The following MAGI3 variants were observed in gnomAD, a reference collection of about 807,000 sequenced individuals.
MAGI3 encodes the protein membrane-associated guanylate kinase, WW and PDZ domain-containing protein 3.
A neutral mutation model predicts 121.8 loss-of-function variants in MAGI3; 43 were observed. That is an observed-to-expected ratio of 0.35 (90% CI 0.28 to 0.46). The LOEUF is 0.46. MAGI3 is among the 20% of genes least tolerant of loss of function. The pLI, the probability that MAGI3 is intolerant of heterozygous loss-of-function variation, is 1.00. For synonymous variants in MAGI3, 553 were observed against 639.3 expected (o/e 0.86, Z 2.04); for missense variants, 1,547 against 1,797.3 (o/e 0.86, Z 2.52).
At chr1:113,392,182 TA>T (rs1439965289) in intron 1 of MAGI3, among the ~76,000 whole-genome samples, 1 of 152,258 alleles carries the variant, frequency 6.6e-6, no homozygotes, top group Non-Finnish European at 1.5e-5. Flanking sequence ...TGAGATCTGA[TA>T]GTATGTAGTA....
rs1648696174 is a variant in MAGI3, at chr1:113,591,624, T to C, written c.938+966T>C. Among the ~76,000 whole-genome samples, 6 of 152,272 alleles carry C rather than the reference T, an allele frequency of 3.9e-5. No homozygotes were observed. In the South Asian group the frequency reaches 1.2e-3, roughly 32 times the overall value. ...TTTACTATAGATTGCACATTATTGA[T>C]GAGGTTATACATTTATATAAACATT... On this transcript the variant is annotated intron_variant, in intron 5 of 20. Transcript: ENST00000307546.
At chr1:113,580,435 T>G (rs1177857514) in intron 2 of MAGI3, 107 bp from the exon 3 acceptor site, 1 of 954,266 alleles carries the variant, frequency 1.0e-6, no homozygotes, top group Non-Finnish European at 1.5e-6. Flanking sequence ...GGCAGGGGAA[T>G]GAAACATCTC....
At chr1:113,434,683 T>G (rs918562122) in intron 1 of MAGI3, among the ~76,000 whole-genome samples, 1 of 152,204 alleles carries the variant, frequency 6.6e-6, no homozygotes, top group Admixed American at 6.5e-5. Flanking sequence ...AAAATTTATC[T>G]CCTAAGTAAG....
At chr1:113,462,889 C>T (rs531074984) in intron 1 of MAGI3, among the ~76,000 whole-genome samples, 14 of 151,638 alleles carry the variant, frequency 9.2e-5, no homozygotes, top group South Asian at 4.2e-4. Flanking sequence ...GATGGATTAC[C>T]GAAAGATTTA....
At chr1:113,478,689 G>A (rs1167446363) in intron 1 of MAGI3, among the ~76,000 whole-genome samples, 1 of 152,198 alleles carries the variant, frequency 6.6e-6, no homozygotes, top group East Asian at 1.9e-4. Context: ...CTCCCAGTTA[G>A]GCTACGCAGG....
rs115900176 is a variant in MAGI3 at position 113,491,438 on chromosome 1, C to T, written c.317-58077C>T. 5.0e-3 allele frequency among the ~76,000 whole-genome samples: 767 copies of T among 152,120 alleles called. 4 individuals carry two copies. The highest frequency in any genetic ancestry group is 0.018 in the African/African-American group (742 of 41,526). On this transcript the variant is annotated intron_variant, in intron 1 of 20. Transcript: ENST00000307546. ...CATGAAAAAGTTGGAAAGGTCTCAG[C>T]TTGACAACCTAAATCACAACTAAGA... is the stretch of plus-strand genomic sequence containing the variant.
intron 6 of MAGI3, among the ~76,000 whole-genome samples, chr1:113,610,742 C>T (rs1650074856): frequency 6.6e-6 from 1 of 152,090 alleles, no homozygotes; most frequent in Non-Finnish European, 1.5e-5. Flanking sequence ...CCAAGACCAT[C>T]CTGGCCAACA....
At position 113,574,093 on chromosome 1, in the gene MAGI3, C is replaced by T. The variant is rs1392061796; in HGVS notation, c.434-6449C>T. Reference sequence around the variant, plus strand: ...TTGAGCCTGTGTGTGTCTCTTTGCACATGAGATGGGTCTCCTGAATACAGC... The same window carrying T: ...TTGAGCCTGTGTGTGTCTCTTTGCATATGAGATGGGTCTCCTGAATACAGC... On this transcript the variant is annotated intron_variant, in intron 2 of 20. Coordinates refer to ENST00000307546, the MANE Select transcript of MAGI3 (RefSeq NM_001142782.2). Among the ~76,000 whole-genome samples the T allele has an allele frequency of 6.6e-5, 10 of 152,172 alleles. No individual in the cohort carries two copies. In the East Asian group the frequency reaches 1.5e-3, roughly 24 times the overall value.
chr1:113,578,365 T>C (rs566799828), intron 2 of MAGI3, among the ~76,000 whole-genome samples: 62 of 152,338 alleles, frequency 4.1e-4, no homozygotes, highest in African/African-American at 1.2e-3. Flanking sequence ...ATCATATTTT[T>C]TCCATCTGTC....
intron 1 of MAGI3, among the ~76,000 whole-genome samples, chr1:113,413,597 C>A (rs1333312489): frequency 6.6e-6 from 1 of 152,038 alleles, no homozygotes; most frequent in Non-Finnish European, 1.5e-5. Context: ...CCTTCACATC[C>A]CTGGTAAGTT....
At chr1:113,597,411 A>G (rs1256733091) in intron 6 of MAGI3, among the ~76,000 whole-genome samples, 1 of 152,238 alleles carries the variant, frequency 6.6e-6, no homozygotes, top group African/African-American at 2.4e-5. Context: ...AATTCAGTAA[A>G]TTATTAAAAA....
intron 2 of MAGI3, among the ~76,000 whole-genome samples, chr1:113,563,416 G>A (rs1285462492): frequency 6.6e-6 from 1 of 152,168 alleles, no homozygotes; most frequent in Admixed American, 6.5e-5. Flanking sequence ...AAGGATACTG[G>A]AGAAAGAAGA....
At chr1:113,625,458 C>T (rs1479511043) in intron 9 of MAGI3, among the ~76,000 whole-genome samples, 1 of 152,066 alleles carries the variant, frequency 6.6e-6, no homozygotes, top group African/African-American at 2.4e-5. Context: ...TTATTTGTGG[C>T]TATTGTGAAT....
chr1:113,573,952 T>C (rs12084114), intron 2 of MAGI3, among the ~76,000 whole-genome samples: 34,619 of 152,148 alleles, frequency 0.23, 4,932 homozygotes, highest in East Asian at 0.65. Context: ...AATGCCCTTC[T>C]TTGTCTCTTT....
At chr1:113,657,640 A>G (rs1482272533) in intron 15 of MAGI3, among the ~76,000 whole-genome samples, 1 of 152,206 alleles carries the variant, frequency 6.6e-6, no homozygotes, top group Non-Finnish European at 1.5e-5. Context: ...TGAGATATTG[A>G]TTTAGAAGGT....
intron 19 of MAGI3, among the ~76,000 whole-genome samples, chr1:113,674,340 C>T (rs1647740677): frequency 6.8e-6 from 1 of 148,030 alleles, no homozygotes; most frequent in South Asian, 2.1e-4. Context: ...CGGAGTGTGC[C>T]GAGATCACAC....
chr1:113,495,266 A>G (rs1018813575), intron 1 of MAGI3, among the ~76,000 whole-genome samples: 2 of 152,200 alleles, frequency 1.3e-5, no homozygotes, highest in Non-Finnish European at 2.9e-5. Context: ...ACTTAAAACA[A>G]TAAGCACATA....
rs1475013142 is a variant in MAGI3 at position 113,391,102 on chromosome 1, C to T, written c.69C>T (p.Ala23=). 1.3e-6 allele frequency: 2 copies of T among 1,582,718 alleles called. No homozygotes were observed. The highest frequency in any genetic ancestry group is 2.3e-5 in the South Asian group (2 of 86,766). ...SKVQECAVSW[A]GPPGDFGAEI... ...TGCAGGAGTGCGCCGTGTCCTGGGC[C>T]GGGCCCCCGGGCGACTTCGGCGCGG... is the stretch of plus-strand genomic sequence containing the variant. Residue 23 remains alanine, a synonymous_variant, in exon 1 of 21, where the codon GCC becomes GCT. Transcript: ENST00000307546. The surrounding 1 kb of genome is among the most constrained non-coding windows in gnomAD (Gnocchi z 4.4).
intron 7 of MAGI3, chr1:113,618,477 G>A: frequency 4.6e-6 from 2 of 437,248 alleles, no homozygotes; most frequent in Admixed American, 2.5e-5. Context: ...TTTAATTGTT[G>A]GTGTTCACTC....
Sources: gnomAD v4.1 joint callset for allele counts (sites outside exome capture counted in the v4.1 genomes callset) on GRCh38, gnomAD v4.1.1 for gene constraint, Gnocchi (gnomAD v3.1) non-coding constraint, MANE v1.5 for transcripts, NCBI Gene and HGNC (gene_info 2026-07-23, HGNC 2026-07-21) for gene names.